FAF1: variants seen among roughly 807,000 people sequenced by gnomAD.
The protein encoded by FAF1 is Fas associated factor 1, also known as FAS-associated factor 1.
FAF1 carries 25 observed loss-of-function variants against 92.5 expected under a neutral mutation model. That is an observed-to-expected ratio of 0.27 (90% confidence interval 0.20 to 0.38). The LOEUF is 0.38. Ranked by LOEUF, FAF1 falls within the 10% of genes least tolerant of loss-of-function variation. FAF1 has a pLI of 1.00. For missense variants in FAF1, 636 were observed against 793.3 expected (o/e 0.80, Z 2.38); for synonymous variants, 234 against 273.2 (o/e 0.86, Z 1.42).
intron 3 of FAF1, among the ~76,000 whole-genome samples, chr1:50,791,361 T>C (rs1661556982): frequency 2.0e-5 from 3 of 152,242 alleles, no homozygotes; most frequent in Admixed American, 2.0e-4. Flanking sequence ...CCTTTCTATA[T>C]AGTCTACTCT....
chr1:50,529,389 A>C (rs1029510156), intron 15 of FAF1, among the ~76,000 whole-genome samples: 2 of 152,222 alleles, frequency 1.3e-5, no homozygotes, highest in African/African-American at 4.8e-5. Flanking sequence ...AATCAATGCA[A>C]TCAATCCTTA....
chr1:50,490,868 T>C (rs1646831165), intron 16 of FAF1, among the ~76,000 whole-genome samples: 1 of 152,188 alleles, frequency 6.6e-6, no homozygotes. Flanking sequence ...AAACAAAGCA[T>C]AGGTCTCTGA....
At chr1:50,788,243 A>C in intron 3 of FAF1, 38 bp from the exon 4 acceptor site, 1 of 1,546,042 alleles carries the variant, frequency 6.5e-7, no homozygotes, top group African/African-American at 1.4e-5. Flanking sequence ...ATTGTCAACT[A>C]AATCATTACA....
At chr1:50,637,914 GTA>G (rs57016473) in intron 8 of FAF1, among the ~76,000 whole-genome samples, 5 of 149,464 alleles carry the variant, frequency 3.3e-5, no homozygotes, top group Admixed American at 6.7e-5. Flanking sequence ...ATAAATTTGT[GTA>G]TATATATATA....
chr1:50,895,879 G>C (rs187965005), intron 1 of FAF1, among the ~76,000 whole-genome samples: 15 of 152,102 alleles, frequency 9.9e-5, no homozygotes, highest in African/African-American at 3.6e-4. Context: ...CAACACACTG[G>C]GTATAGAGAG....
At chr1:50,708,864 T>C (rs1002369996) in intron 6 of FAF1, among the ~76,000 whole-genome samples, 23 of 152,044 alleles carry the variant, frequency 1.5e-4, no homozygotes, top group Admixed American at 6.6e-5. Context: ...TACTGAGGCA[T>C]TAAAGGTGGG....
intron 6 of FAF1, among the ~76,000 whole-genome samples, chr1:50,711,598 T>C (rs547947229): frequency 3.6e-4 from 54 of 151,376 alleles, no homozygotes; most frequent in African/African-American, 1.3e-3. Flanking sequence ...GCCTCCCGAG[T>C]AGCTGCTACA....
intron 2 of FAF1, among the ~76,000 whole-genome samples, chr1:50,818,603 C>T (rs959607190): frequency 6.6e-5 from 10 of 152,118 alleles, no homozygotes; most frequent in African/African-American, 1.7e-4. Context: ...GTGAACAATG[C>T]CAGGTATAAG....
intron 2 of FAF1, among the ~76,000 whole-genome samples, chr1:50,809,544 C>A (rs1391680042): frequency 6.6e-6 from 1 of 152,078 alleles, no homozygotes; most frequent in East Asian, 1.9e-4. Context: ...TGGAAACATA[C>A]AACCTCCCAA....
intron 4 of FAF1, among the ~76,000 whole-genome samples, chr1:50,752,939 C>T (rs950145059): frequency 6.6e-6 from 1 of 152,164 alleles, no homozygotes; most frequent in Non-Finnish European, 1.5e-5. Flanking sequence ...CTGCCTCAGC[C>T]TCCCAAAGTG....
At chr1:50,473,877 T>G (rs2148998176) in intron 18 of FAF1, among the ~76,000 whole-genome samples, 1 of 152,296 alleles carries the variant, frequency 6.6e-6, no homozygotes, top group Non-Finnish European at 1.5e-5. Flanking sequence ...TGTACCTTAA[T>G]GAAACTCTGG....
chr1:50,864,909 C>T (rs1644467269), intron 1 of FAF1, among the ~76,000 whole-genome samples: 1 of 151,798 alleles, frequency 6.6e-6, no homozygotes, highest in African/African-American at 2.4e-5. Flanking sequence ...AAGCAACCTA[C>T]AAAATGGGAG....
chr1:50,907,144 G>A (rs889331880), intron 1 of FAF1, among the ~76,000 whole-genome samples: 10 of 152,134 alleles, frequency 6.6e-5, no homozygotes, highest in African/African-American at 2.4e-4. Context: ...TAATCATGTG[G>A]TTTTTGTCTT....
At chr1:50,642,587 T>G (rs1654390134) in intron 8 of FAF1, among the ~76,000 whole-genome samples, 1 of 151,784 alleles carries the variant, frequency 6.6e-6, no homozygotes, top group Non-Finnish European at 1.5e-5. Context: ...AGGCAGAGGT[T>G]GCAGTGAGCC....
intron 1 of FAF1, among the ~76,000 whole-genome samples, chr1:50,886,277 T>G (rs1644663083): frequency 6.6e-6 from 1 of 152,194 alleles, no homozygotes; most frequent in South Asian, 2.1e-4. Context: ...CTGGTGTTGA[T>G]GAAATCCCTC....
At chr1:50,562,059 C>T (rs1322218059) in intron 13 of FAF1, among the ~76,000 whole-genome samples, 1 of 152,102 alleles carries the variant, frequency 6.6e-6, no homozygotes. Context: ...CTGACTGAGG[C>T]AAGAGAAGGA....
chr1:50,647,012 A>T (rs1418002681), intron 8 of FAF1, among the ~76,000 whole-genome samples: 1 of 151,716 alleles, frequency 6.6e-6, no homozygotes, highest in Admixed American at 6.6e-5. Context: ...CGCCCAGCTA[A>T]TTTTTTTTGT....
chr1:50,876,646 C>A (rs997058282), intron 1 of FAF1, among the ~76,000 whole-genome samples: 1 of 152,128 alleles, frequency 6.6e-6, no homozygotes, highest in Non-Finnish European at 1.5e-5. Flanking sequence ...AGTGCAGTGG[C>A]GCAATCTCAG....
At chr1:50,822,431 A>G (rs545279613) in intron 2 of FAF1, among the ~76,000 whole-genome samples, 2 of 152,372 alleles carry the variant, frequency 1.3e-5, no homozygotes, top group African/African-American at 4.8e-5. Flanking sequence ...GGCTAGGAAC[A>G]AAAGGATTTG....
Sources: gnomAD v4.1 joint callset for allele counts (sites outside exome capture counted in the v4.1 genomes callset) on GRCh38, gnomAD v4.1.1 for gene constraint, MANE v1.5 for transcripts, NCBI Gene and HGNC (gene_info 2026-07-23, HGNC 2026-07-21) for gene names.